The following MYRIP variants were observed in gnomAD, a reference collection of about 807,000 sequenced individuals.
MYRIP encodes rab effector MyRIP.
MYRIP carries 49 observed loss-of-function variants against 98.0 expected under a neutral mutation model. That is an observed-to-expected ratio of 0.50 (90% CI 0.40 to 0.63). MYRIP has a LOEUF of 0.63. Among genes scored for constraint, MYRIP ranks in the 30% least tolerant of loss-of-function variants. The pLI is 0.00. For missense variants in MYRIP, 1,004 were observed against 1,058.2 expected, an observed-to-expected ratio of 0.95 and a Z score of 0.71; for synonymous variants, 404 against 409.5, an observed-to-expected ratio of 0.99 and a Z score of 0.16.
chr3:39,898,250 G>A (rs1943661034), intron 1 of MYRIP, among the ~76,000 whole-genome samples: 1 of 152,072 alleles, frequency 6.6e-6, no homozygotes, highest in South Asian at 2.1e-4. Flanking sequence ...TTGAGAAATA[G>A]CATTAATGGA....
At chr3:40,194,050 A>C (rs1312736605) in intron 10 of MYRIP, among the ~76,000 whole-genome samples, 1 of 152,130 alleles carries the variant, frequency 6.6e-6, no homozygotes, top group Non-Finnish European at 1.5e-5. Context: ...TTTTACATAC[A>C]AAAATTTTTG....
chr3:39,829,032 A>G (rs1295703043), intron 1 of MYRIP, among the ~76,000 whole-genome samples: 4 of 152,170 alleles, frequency 2.6e-5, no homozygotes, highest in Non-Finnish European at 5.9e-5. Flanking sequence ...TTCTACTTTT[A>G]GTTCTTTAAG....
chr3:39,821,065 A>G (rs1240684197), intron 1 of MYRIP, among the ~76,000 whole-genome samples: 1 of 152,170 alleles, frequency 6.6e-6, no homozygotes, highest in Non-Finnish European at 1.5e-5. Context: ...CAAAAGACCA[A>G]ACATTTTTCA....
At chr3:40,036,745 C>T (rs1947394266) in intron 2 of MYRIP, among the ~76,000 whole-genome samples, 1 of 152,070 alleles carries the variant, frequency 6.6e-6, no homozygotes, top group Non-Finnish European at 1.5e-5. Flanking sequence ...ATCTTTAGGA[C>T]TTTCATTCTC....
At chr3:39,983,699 CAA>C (rs1248142408) in intron 2 of MYRIP, among the ~76,000 whole-genome samples, 1 of 152,034 alleles carries the variant, frequency 6.6e-6, no homozygotes, top group Non-Finnish European at 1.5e-5. Context: ...AAGAGATATA[CAA>C]AGTCACTCAT....
At chr3:40,100,392 A>G (rs1438749576) in intron 3 of MYRIP, 1 of 599,224 alleles carries the variant, frequency 1.7e-6, no homozygotes, top group Non-Finnish European at 2.1e-6. Context: ...ATTTTGTCCT[A>G]TTTTGTACAT....
intron 1 of MYRIP, among the ~76,000 whole-genome samples, chr3:39,881,520 T>C (rs1575338683): frequency 6.6e-6 from 1 of 152,296 alleles, no homozygotes; most frequent in East Asian, 1.9e-4. Context: ...TAAATGCCAC[T>C]ATCTTGGGAA....
intron 3 of MYRIP, among the ~76,000 whole-genome samples, chr3:40,085,213 G>A (rs903785466): frequency 3.3e-5 from 5 of 150,982 alleles, no homozygotes; most frequent in Admixed American, 6.6e-5. Flanking sequence ...GATAATATGT[G>A]TCTATGTGTT....
In MYRIP at chr3:39,927,083, G is replaced by A. The variant is rs150211617; in HGVS notation, c.110+26157G>A. Reference sequence around the variant, plus strand: ...TATTCCTAGGTGTGTGTTTGTGTGTGTCTATTGTAAATGGGATTGCTTTCT... The same window carrying A: ...TATTCCTAGGTGTGTGTTTGTGTGTATCTATTGTAAATGGGATTGCTTTCT... On this transcript the variant is annotated intron_variant, in intron 2 of 16. Transcript: ENST00000302541. Among the ~76,000 whole-genome samples, 13 of 152,072 alleles carry A rather than the reference G, an allele frequency of 8.5e-5. 1 individual carries two copies. In the East Asian group the frequency reaches 2.5e-3, roughly 29 times the overall value.
chr3:39,856,450 C>A (rs979776691), intron 1 of MYRIP, among the ~76,000 whole-genome samples: 1 of 152,198 alleles, frequency 6.6e-6, no homozygotes, highest in Non-Finnish European at 1.5e-5. Flanking sequence ...ATAGCCCAGC[C>A]TGCAGCCCCA....
intron 3 of MYRIP, among the ~76,000 whole-genome samples, chr3:40,052,941 T>C (rs924540550): frequency 2.0e-5 from 3 of 152,110 alleles, no homozygotes; most frequent in Non-Finnish European, 2.9e-5. Flanking sequence ...AAGGAAAACA[T>C]AGAAAAATAG....
intron 3 of MYRIP, among the ~76,000 whole-genome samples, chr3:40,078,085 T>G (rs1948391416): frequency 1.3e-5 from 2 of 152,218 alleles, no homozygotes; most frequent in South Asian, 4.1e-4. Flanking sequence ...GGAAGGCAGC[T>G]AAGGCCCGAT....
intron 1 of MYRIP, among the ~76,000 whole-genome samples, chr3:39,857,280 A>AG (rs1191725155): frequency 6.6e-6 from 1 of 151,832 alleles, no homozygotes; most frequent in African/African-American, 2.4e-5. Context: ...GAAGGAAGGA[A>AG]AAATGAGTAT....
chr3:40,037,219 C>A lies in MYRIP; in HGVS notation c.111-6831C>A, dbSNP rs549478731. Among the ~76,000 whole-genome samples, 6 of 152,202 alleles carry A rather than the reference C, an allele frequency of 3.9e-5. No individual in the cohort carries two copies. The South Asian group carries it at 1.2e-3, about 32-fold the overall frequency. On this transcript the variant is annotated intron_variant, in intron 2 of 16. Transcript: ENST00000302541. Reference sequence around the variant, plus strand: ...AAAGCAGTCAGCTACACATTTGTCTCAGGTGAGCCAAGGGATGACTTTTAA... The same window carrying A: ...AAAGCAGTCAGCTACACATTTGTCTAAGGTGAGCCAAGGGATGACTTTTAA...
At chr3:39,881,878 A>G (rs538274411) in intron 1 of MYRIP, among the ~76,000 whole-genome samples, 1 of 151,862 alleles carries the variant, frequency 6.6e-6, no homozygotes, top group South Asian at 2.1e-4. Flanking sequence ...AATTTTGTTG[A>G]CATTCTTCTT....
intron 8 of MYRIP, among the ~76,000 whole-genome samples, chr3:40,181,410 CA>C (rs1440087895): frequency 6.6e-6 from 1 of 152,216 alleles, no homozygotes; most frequent in Non-Finnish European, 1.5e-5. Context: ...GTGCTGACAT[CA>C]ACCAGCAGGT....
Position 39,926,969 on chromosome 3 carries a change from G to A in MYRIP, c.110+26043G>A, listed in dbSNP as rs76181300. On this transcript the variant is annotated intron_variant, in intron 2 of 16. Coordinates refer to ENST00000302541, the MANE Select transcript of MYRIP (RefSeq NM_015460.4). Reference sequence around the variant, plus strand: ...TTCTTCCAATCTATGAACATGGAATGTTTTTTGATTTGTTTATGTCATCTG... The same window carrying A: ...TTCTTCCAATCTATGAACATGGAATATTTTTTGATTTGTTTATGTCATCTG... Among the ~76,000 whole-genome samples, 799 of 152,126 alleles carry A rather than the reference G, an allele frequency of 5.3e-3. 43 individuals are homozygous for A. In the East Asian group the frequency reaches 0.14, roughly 27 times the overall value.
At chr3:39,925,899 A>G (rs1358256745) in intron 2 of MYRIP, among the ~76,000 whole-genome samples, 1 of 151,984 alleles carries the variant, frequency 6.6e-6, no homozygotes, top group Non-Finnish European at 1.5e-5. Context: ...TCTTTGAGAA[A>G]CCTCCAAACT....
intron 1 of MYRIP, among the ~76,000 whole-genome samples, chr3:39,842,753 A>ACCCC (rs67306630): frequency 1.2e-4 from 18 of 151,336 alleles, no homozygotes; most frequent in Admixed American, 8.5e-4. Flanking sequence ...TGAGGTGATT[A>ACCCC]CCCCCCCTGC....
Sources: allele counts gnomAD v4.1 joint callset (sites outside exome capture counted in the v4.1 genomes callset), GRCh38; gene constraint gnomAD v4.1.1; transcripts MANE v1.5; gene names NCBI Gene and HGNC (gene_info 2026-07-23, HGNC 2026-07-21).